RLIG1: variants seen among roughly 807,000 people sequenced by gnomAD.
RLIG1 encodes RNA ligase 1.
the RLIG1 span, among the ~76,000 whole-genome samples, chr12:88,036,788 C>G: frequency 3.3e-5 from 5 of 152,284 alleles, no homozygotes; most frequent in East Asian, 7.7e-4. Flanking sequence ...CATGTTCTTT[C>G]CTCGTCAGAA....
the RLIG1 span, chr12:88,046,823 A>G: frequency 1.2e-6 from 2 of 1,609,732 alleles, no homozygotes; most frequent in Admixed American, 1.7e-5. Flanking sequence ...GGAGCAAGAA[A>G]CATCCATTAC....
chr12:88,049,607 T>G, the RLIG1 span: 1 of 465,136 alleles, frequency 2.1e-6, no homozygotes, highest in Non-Finnish European at 3.8e-6. Flanking sequence ...AACTGTCAAG[T>G]CCAGTTATGT....
At chr12:88,046,047 C>G in the RLIG1 span, among the ~76,000 whole-genome samples, 1 of 152,030 alleles carries the variant, frequency 6.6e-6, no homozygotes, top group African/African-American at 2.4e-5. Context: ...TTGTAACCCC[C>G]TTGCTTTTAA....
chr12:88,043,522 C>T, the RLIG1 span: 31 of 854,434 alleles, frequency 3.6e-5, no homozygotes, highest in Non-Finnish European at 4.6e-5. Flanking sequence ...AGTAGCTGTT[C>T]CCATTTTGAG....
chr12:88,042,370 A>G, the RLIG1 span: 4 of 152,514 alleles, frequency 2.6e-5, no homozygotes, highest in African/African-American at 9.7e-5. Context: ...GTACAAATCA[A>G]CATTATTAGT....
chr12:88,042,422 C>T, the RLIG1 span: 1 of 153,912 alleles, frequency 6.5e-6, no homozygotes, highest in East Asian at 1.9e-4. Context: ...TGCAGAACAG[C>T]TCAGCCTGAT....
the RLIG1 span, among the ~76,000 whole-genome samples, chr12:88,040,872 C>T: frequency 3.3e-5 from 5 of 152,026 alleles, no homozygotes; most frequent in African/African-American, 1.2e-4. Flanking sequence ...TGGACACATT[C>T]CTGGGGCATT....
the RLIG1 span, among the ~76,000 whole-genome samples, chr12:88,046,494 A>G: frequency 6.6e-6 from 1 of 152,130 alleles, no homozygotes; most frequent in African/African-American, 2.4e-5. Flanking sequence ...CTCTTCTGAA[A>G]GGAGCTACAG....
chr12:88,041,888 T>C, the RLIG1 span: 5 of 152,184 alleles, frequency 3.3e-5, no homozygotes, highest in Non-Finnish European at 7.3e-5. Context: ...GTGTGTATCA[T>C]TATGCGTGAG....
the RLIG1 span, chr12:88,042,919 A>AG: frequency 6.5e-7 from 1 of 1,545,654 alleles, no homozygotes; most frequent in Non-Finnish European, 8.7e-7. Flanking sequence ...AAAACCCAAA[A>AG]GGTTAGTTTT....
chr12:88,037,326 C>G, the RLIG1 span, among the ~76,000 whole-genome samples: 1 of 152,184 alleles, frequency 6.6e-6, no homozygotes, highest in African/African-American at 2.4e-5. Context: ...TATTTTAATA[C>G]ACGTACCTTG....
chr12:88,039,176 A>C, the RLIG1 span, among the ~76,000 whole-genome samples: 1 of 152,140 alleles, frequency 6.6e-6, no homozygotes, highest in Non-Finnish European at 1.5e-5. Context: ...TGCAAGGAAA[A>C]AAAGGTTAAA....
At chr12:88,045,558 A>G in the RLIG1 span, 1 of 1,557,148 alleles carries the variant, frequency 6.4e-7, no homozygotes, top group Non-Finnish European at 8.7e-7. Flanking sequence ...CTAATAACAA[A>G]TAATTTTCTT....
the RLIG1 span, chr12:88,044,225 T>TCGTGC: frequency 6.3e-6 from 1 of 158,126 alleles, no homozygotes; most frequent in African/African-American, 2.4e-5. Flanking sequence ...TGAACCATGA[T>TCGTGC]CGTGCCACTG....
the RLIG1 span, among the ~76,000 whole-genome samples, chr12:88,039,097 C>T: frequency 3.3e-5 from 5 of 151,996 alleles, no homozygotes; most frequent in East Asian, 1.9e-4. Flanking sequence ...AGGGTGATGA[C>T]GTGGGTGATT....
At chr12:88,039,108 C>G in the RLIG1 span, among the ~76,000 whole-genome samples, 1 of 152,088 alleles carries the variant, frequency 6.6e-6, no homozygotes, top group Admixed American at 6.5e-5. Context: ...GTGGGTGATT[C>G]ATTTATGCCT....
At chr12:88,038,898 T>C in the RLIG1 span, among the ~76,000 whole-genome samples, 1 of 152,210 alleles carries the variant, frequency 6.6e-6, no homozygotes. Flanking sequence ...AGCCTGTGCT[T>C]ATAATAGCAC....
At chr12:88,041,273 G>C in the RLIG1 span, among the ~76,000 whole-genome samples, 1 of 152,146 alleles carries the variant, frequency 6.6e-6, no homozygotes, top group South Asian at 2.1e-4. Context: ...GCATGTATCA[G>C]AATTTTATTC....
chr12:88,043,936 A>T, the RLIG1 span: 16 of 529,776 alleles, frequency 3.0e-5, no homozygotes, highest in Non-Finnish European at 4.9e-5. Context: ...TAAGATGGGC[A>T]TTTTTTACTA....
Sources: gnomAD v4.1 joint callset for allele counts (sites outside exome capture counted in the v4.1 genomes callset) on GRCh38, gnomAD v4.1.1 for gene constraint, MANE v1.5 for transcripts, NCBI Gene and HGNC (gene_info 2026-07-23, HGNC 2026-07-21) for gene names.